Variants in CPXM2 observed in about 807,000 individuals in gnomAD.
CPXM2 encodes the protein inactive carboxypeptidase-like protein X2.
CPXM2 carries 66 observed loss-of-function variants against 86.1 expected under a neutral mutation model. That is an observed-to-expected ratio of 0.77 (90% CI 0.63 to 0.94). The LOEUF (loss-of-function observed/expected upper bound fraction) is 0.94, where lower values mean the gene tolerates loss of function less well. Among genes scored for constraint, CPXM2 ranks in the 40% least tolerant of loss-of-function variants. CPXM2 has a pLI of 0.00. For missense variants in CPXM2, 948 were observed against 1,026.3 expected (o/e 0.92, Z 1.04); for synonymous variants, 388 against 400.2 (o/e 0.97, Z 0.36).
At chr10:123,938,885 C>T (rs1379576631) in intron 2 of CPXM2, among the ~76,000 whole-genome samples, 2 of 152,152 alleles carry the variant, frequency 1.3e-5, no homozygotes, top group Non-Finnish European at 2.9e-5. Context: ...CACTGGGGGA[C>T]ATAGGTGACC....
At chr10:123,833,250 C>T (rs1396105750) in intron 4 of CPXM2, among the ~76,000 whole-genome samples, 1 of 152,208 alleles carries the variant, frequency 6.6e-6, no homozygotes, top group Non-Finnish European at 1.5e-5. Flanking sequence ...CAATGAACAG[C>T]ATAGGAGGTA....
rs1340620698 is a variant in CPXM2 at position 123,885,342 on chromosome 10, C to T, written c.305-5033G>A. On this transcript the variant is annotated intron_variant, in intron 1 of 13. Transcript: ENST00000241305. The surrounding 1 kb of genome is among the most constrained non-coding windows in gnomAD (Gnocchi z 4.0). ...CAATCGTACACCTCCTCCAAAAGCT[C>T]GGGTTATTAATTGTTCCCATGCCAT... Among the ~76,000 whole-genome samples the T allele has an allele frequency of 1.3e-5, 2 of 152,124 alleles. No individual in the cohort carries two copies. Among genetic ancestry groups the T allele is most frequent in the East Asian group, 1.9e-4 (1 of 5,196 alleles).
rs1030525332 is a variant in CPXM2, at chr10:123,767,257, A to T, written c.1300-105T>A. ...CCACTTCCCCTTGGGGAATGTCTCT[A>T]AGCCTCTAGATGCCCTTTGACCCAA... On this transcript the variant is annotated intron_variant, in intron 9 of 13. Coordinates refer to ENST00000241305, the MANE Select transcript of CPXM2 (RefSeq NM_198148.3). 14 of 1,018,834 alleles carry T rather than the reference A, an allele frequency of 1.4e-5. No individual in the cohort carries two copies. The Admixed American group carries it at 3.0e-4, about 22-fold the overall frequency. The allele number at this position is 1,018,834 out of a possible 1,614,324, so 63.1% of individuals were successfully genotyped here. A position where few individuals can be genotyped will look rare whatever the true frequency, so the allele number is the denominator to read the frequency against.
At chr10:123,907,563 ACACG>A (rs1392610285) in intron 2 of CPXM2, among the ~76,000 whole-genome samples, 10 of 144,872 alleles carry the variant, frequency 6.9e-5, no homozygotes, top group African/African-American at 2.5e-4. Context: ...CACTTAGGTG[ACACG>A]GCACCATCCT....
intron 3 of CPXM2, among the ~76,000 whole-genome samples, chr10:123,852,832 C>T (rs1286985409): frequency 6.6e-6 from 1 of 152,194 alleles, no homozygotes; most frequent in East Asian, 1.9e-4. Flanking sequence ...CTGCCACCTT[C>T]CCAGAGTCTG....
chr10:123,813,854 G>T (rs1193320251), intron 4 of CPXM2, among the ~76,000 whole-genome samples: 1 of 152,196 alleles, frequency 6.6e-6, no homozygotes, highest in Non-Finnish European at 1.5e-5. Flanking sequence ...TCTATTGTGG[G>T]AGTTATTTTT....
chr10:123,824,002 C>A (rs565374328), intron 4 of CPXM2, among the ~76,000 whole-genome samples: 137 of 152,316 alleles, frequency 9.0e-4, no homozygotes, highest in Middle Eastern at 3.4e-3. Flanking sequence ...ACTCCCTTGG[C>A]ACGTTTTCAG....
chr10:123,908,422 C>T (rs538316494), intron 2 of CPXM2, among the ~76,000 whole-genome samples: 1 of 152,302 alleles, frequency 6.6e-6, no homozygotes, highest in African/African-American at 2.4e-5. Flanking sequence ...CAAGTTTCTT[C>T]ATTCGATCAC....
chr10:123,860,157 A>C (rs1057328220), intron 3 of CPXM2, among the ~76,000 whole-genome samples: 1 of 152,212 alleles, frequency 6.6e-6, no homozygotes, highest in Non-Finnish European at 1.5e-5. Context: ...CCAGTCACCC[A>C]AGACCAACCT....
chr10:123,793,203 G>C (rs559077106), intron 6 of CPXM2, among the ~76,000 whole-genome samples: 1 of 152,092 alleles, frequency 6.6e-6, no homozygotes, highest in African/African-American at 2.4e-5. Context: ...AGTGGCTCAG[G>C]CCTGTAATCC....
intron 3 of CPXM2, among the ~76,000 whole-genome samples, chr10:123,854,453 T>A (rs1314709150): frequency 7.6e-6 from 1 of 131,096 alleles, no homozygotes; most frequent in Non-Finnish European, 1.5e-5. Flanking sequence ...TTATATATAA[T>A]ATATATAATA....
At chr10:123,750,517 A>C in intron 13 of CPXM2, 1 of 985,258 alleles carries the variant, frequency 1.0e-6, no homozygotes, top group Non-Finnish European at 1.2e-6. Context: ...TGGCTTTCCC[A>C]CCTATTTGTA....
upstream of CPXM2, among the ~76,000 whole-genome samples, chr10:123,895,178 C>T (rs1471366801): frequency 7.7e-6 from 1 of 130,540 alleles, no homozygotes; most frequent in East Asian, 2.1e-4. Context: ...GGCTTGAGTG[C>T]AGTGGCACCA....
At chr10:123,826,876 T>C (rs548545075) in intron 4 of CPXM2, among the ~76,000 whole-genome samples, 1 of 152,238 alleles carries the variant, frequency 6.6e-6, no homozygotes, top group African/African-American at 2.4e-5. Context: ...ATTAAACAGT[T>C]ATGAATATCT....
chr10:123,784,706 A>G (rs78185285), intron 6 of CPXM2, among the ~76,000 whole-genome samples: 3,701 of 152,292 alleles, frequency 0.024, 142 homozygotes, highest in African/African-American at 0.083. Context: ...CTCCCTCACG[A>G]AGCAGCCTCT....
chr10:123,880,304 GT>G lies in CPXM2; in HGVS notation c.309del (p.Lys103AsnfsTer8). 1 of 1,481,658 alleles carries G rather than the reference GT, an allele frequency of 6.7e-7. No homozygotes were observed. The highest frequency in any genetic ancestry group is 9.4e-7 in the Non-Finnish European group (1 of 1,059,234). The allele number at this position is 1,481,658 out of a possible 1,614,324, so 91.8% of individuals were successfully genotyped here. On this transcript the variant is annotated frameshift_variant, in exon 2 of 14. Coordinates refer to ENST00000241305, the MANE Select transcript of CPXM2 (RefSeq NM_198148.3). LOFTEE classifies it high-confidence loss of function. The stretch of plus-strand genomic sequence containing the variant: ...GTTCTCATAACTTTTTTGTTGCTGT[GT>G]TTACCTAAAGGGGGAGAGAGAGATG... ...KSAPEPPPPG[K>X]HSNKKVMRTK...
At chr10:123,793,123 T>C (rs1847244758) in intron 6 of CPXM2, among the ~76,000 whole-genome samples, 1 of 152,044 alleles carries the variant, frequency 6.6e-6, no homozygotes, top group African/African-American at 2.4e-5. Flanking sequence ...AAGTAAACCA[T>C]AGAACATCTG....
intron 3 of CPXM2, among the ~76,000 whole-genome samples, chr10:123,855,807 A>G (rs868547751): frequency 3.9e-5 from 6 of 152,186 alleles, no homozygotes; most frequent in African/African-American, 1.4e-4. Context: ...GGTGCTCCAT[A>G]TAATTTTTTT....
At chr10:123,753,958 G>A (rs1209760386) in intron 13 of CPXM2, among the ~76,000 whole-genome samples, 1 of 152,184 alleles carries the variant, frequency 6.6e-6, no homozygotes, top group Non-Finnish European at 1.5e-5. Context: ...TCTAATGACA[G>A]CATCAAGAAA....
Sources: gnomAD v4.1 joint callset for allele counts (sites outside exome capture counted in the v4.1 genomes callset) on GRCh38, gnomAD v4.1.1 for gene constraint, Gnocchi (gnomAD v3.1) non-coding constraint, MANE v1.5 for transcripts, NCBI Gene and HGNC (gene_info 2026-07-23, HGNC 2026-07-21) for gene names.